PLD1: variants seen among roughly 807,000 people sequenced by gnomAD.
The protein encoded by PLD1 is phospholipase D1, also known as choline phosphatase 1.
In PLD1, 112 loss-of-function variants were observed where a neutral mutation model predicts 137.1. That is an observed-to-expected ratio of 0.82 (90% CI 0.70 to 0.96). PLD1 has a LOEUF of 0.96. Ranked by LOEUF, PLD1 falls within the 40% of genes least tolerant of loss-of-function variation. PLD1 has a pLI of 0.00. For missense variants in PLD1, 1,321 were observed against 1,342.0 expected (o/e 0.98, Z 0.24); for synonymous variants, 431 against 454.7 (o/e 0.95, Z 0.66).
At chr3:171,627,773 C>T (rs371304175) in intron 23 of PLD1, among the ~76,000 whole-genome samples, 5 of 152,134 alleles carry the variant, frequency 3.3e-5, no homozygotes, top group African/African-American at 9.6e-5. Context: ...GGGTACATAA[C>T]GAAATGAAGG....
At chr3:171,610,125 T>C (rs540829519) in intron 25 of PLD1, among the ~76,000 whole-genome samples, 5 of 152,194 alleles carry the variant, frequency 3.3e-5, no homozygotes, top group South Asian at 2.1e-4. Flanking sequence ...TTGCCAGTGA[T>C]ATAATAAGAG....
In PLD1 at chr3:171,659,214, T is replaced by C; in HGVS notation, c.2428A>G (p.Arg810Gly). Residue 810 changes from arginine (R) to glycine (G), a missense_variant and splice_region_variant, in exon 21 of 27, where the codon AGG becomes GGG. By Grantham distance (125) the Arg-to-Gly change is moderately radical. Coordinates refer to ENST00000351298, the MANE Select transcript of PLD1 (RefSeq NM_002662.5). ...GAACTCTCAGCCAAAGGCTGTTACC[T>C]GTGAGCTTTCAGGATCCTCTGGGCA... ...AIAQRILKAH[R>G]ENQKYRVYVV... is the part of the protein sequence containing the mutation. The C allele has an allele frequency of 6.2e-7, 1 of 1,602,982 alleles. No individual in the cohort carries two copies.
At chr3:171,802,211 G>A (rs1723677256) in intron 1 of PLD1, among the ~76,000 whole-genome samples, 1 of 152,166 alleles carries the variant, frequency 6.6e-6, no homozygotes, top group Non-Finnish European at 1.5e-5. Context: ...TACATGTCAG[G>A]AAAGTCCCTA....
At chr3:171,645,626 T>C (rs1266006859) in intron 21 of PLD1, among the ~76,000 whole-genome samples, 1 of 151,970 alleles carries the variant, frequency 6.6e-6, no homozygotes, top group Non-Finnish European at 1.5e-5. Flanking sequence ...GGCTCATGTC[T>C]GTAATCCCAG....
chr3:171,622,498 G>C (rs1177571877), intron 23 of PLD1, among the ~76,000 whole-genome samples: 1 of 152,056 alleles, frequency 6.6e-6, no homozygotes, highest in Non-Finnish European at 1.5e-5. Flanking sequence ...ACATTATATT[G>C]ATCAATCTAG....
At chr3:171,783,164 G>C (rs1295135440) in intron 1 of PLD1, among the ~76,000 whole-genome samples, 1 of 152,132 alleles carries the variant, frequency 6.6e-6, no homozygotes, top group Non-Finnish European at 1.5e-5. Context: ...TCACCTGGGA[G>C]AGTGAGTTTA....
intron 21 of PLD1, among the ~76,000 whole-genome samples, chr3:171,647,090 C>T (rs568083631): frequency 3.3e-5 from 5 of 152,310 alleles, no homozygotes; most frequent in African/African-American, 1.2e-4. Flanking sequence ...GATAGTGATA[C>T]ACACATCTGC....
At chr3:171,710,125 C>A (rs1408693650) in intron 9 of PLD1, among the ~76,000 whole-genome samples, 2 of 151,974 alleles carry the variant, frequency 1.3e-5, no homozygotes, top group Non-Finnish European at 2.9e-5. Flanking sequence ...TGCAGTGGCG[C>A]GATCTAGGCT....
intron 12 of PLD1, among the ~76,000 whole-genome samples, chr3:171,697,308 A>T (rs111825889): frequency 3.4e-5 from 5 of 145,370 alleles, no homozygotes; most frequent in African/African-American, 1.3e-4. Context: ...GCAGTGGCAC[A>T]ATCTCGACTC....
At chr3:171,742,954 A>G (rs1016086062) in intron 1 of PLD1, among the ~76,000 whole-genome samples, 3 of 152,154 alleles carry the variant, frequency 2.0e-5, no homozygotes, top group African/African-American at 7.2e-5. Flanking sequence ...TTTTTTTAAA[A>G]GGAACATTGC....
intron 1 of PLD1, among the ~76,000 whole-genome samples, chr3:171,782,073 T>C (rs533509747): frequency 6.6e-6 from 1 of 152,358 alleles, no homozygotes; most frequent in Admixed American, 6.5e-5. Flanking sequence ...GAATGACTGA[T>C]ACACATGATA....
chr3:171,760,975 A>G (rs1165094261), intron 1 of PLD1, among the ~76,000 whole-genome samples: 1 of 152,248 alleles, frequency 6.6e-6, no homozygotes, highest in African/African-American at 2.4e-5. Context: ...TGATCGGGTA[A>G]TCACACTGTA....
chr3:171,676,662 G>C (rs532204087), intron 18 of PLD1, 53 bp downstream of exon 18: 157 of 1,380,690 alleles, frequency 1.1e-4, no homozygotes, highest in Middle Eastern at 9.1e-4. Context: ...CTCTTCTCTA[G>C]TTAGGCCTGC....
rs373955635 is a variant in PLD1 at position 171,713,982 on chromosome 3, G to A, written c.822C>T (p.Phe274=). 80 of 1,609,244 alleles carry A rather than the reference G, an allele frequency of 5.0e-5. No homozygotes were observed. The highest frequency in any genetic ancestry group is 2.9e-4 in the African/African-American group (22 of 74,834). ...YMKPDSGAIA[F]VLLVDKEFKI... ...TGAATTCTTTGTCTACCAGCAGGAC[G>A]AAGGCAATGGCACCGCTGTCTGGTT... The change falls in exon 9 of 27, where the codon TTC becomes TTT. Residue 274 remains phenylalanine, a synonymous_variant. Coordinates refer to ENST00000351298, the MANE Select transcript of PLD1 (RefSeq NM_002662.5).
chr3:171,697,841 C>T (rs1030383155), intron 12 of PLD1, among the ~76,000 whole-genome samples: 5 of 152,190 alleles, frequency 3.3e-5, no homozygotes, highest in African/African-American at 9.7e-5. Flanking sequence ...ATGCAACTGA[C>T]ACTTCTGCAG....
intron 1 of PLD1, among the ~76,000 whole-genome samples, chr3:171,768,980 A>C (rs1722164989): frequency 6.6e-6 from 1 of 152,240 alleles, no homozygotes; most frequent in Admixed American, 6.5e-5. Flanking sequence ...GCAAGAATGC[A>C]ATGTGTGTTC....
At chr3:171,792,773 C>G (rs555166205) in intron 1 of PLD1, 9 of 447,560 alleles carry the variant, frequency 2.0e-5, no homozygotes, top group African/African-American at 1.6e-4. Context: ...ACCCTCCCCC[C>G]AGATTTGCAA....
At chr3:171,794,313 ATAGG>A (rs1259251950) in intron 1 of PLD1, among the ~76,000 whole-genome samples, 3 of 152,140 alleles carry the variant, frequency 2.0e-5, no homozygotes, top group Non-Finnish European at 4.4e-5. Context: ...ACATTTTATC[ATAGG>A]TATGTATGTA....
At chr3:171,615,526 AG>A (rs1733032626) in intron 24 of PLD1, among the ~76,000 whole-genome samples, 1 of 152,222 alleles carries the variant, frequency 6.6e-6, no homozygotes, top group Non-Finnish European at 1.5e-5. Flanking sequence ...CCTCCCCAAG[AG>A]GAAGACTTGA....
Sources: gnomAD v4.1 joint callset for allele counts (sites outside exome capture counted in the v4.1 genomes callset) on GRCh38, gnomAD v4.1.1 for gene constraint, MANE v1.5 for transcripts, NCBI Gene and HGNC (gene_info 2026-07-23, HGNC 2026-07-21) for gene names.